TRIM66: variants seen among roughly 807,000 people sequenced by gnomAD.
TRIM66 encodes tripartite motif containing 66.
TRIM66 carries 99 observed loss-of-function variants against 148.2 expected under a neutral mutation model. That is an observed-to-expected ratio of 0.67 (90% CI 0.57 to 0.79). The LOEUF is 0.79. TRIM66 is among the 30% of genes least tolerant of loss of function. The pLI, the probability that TRIM66 is intolerant of heterozygous loss-of-function variation, is 0.00. For synonymous variants in TRIM66, 616 were observed against 635.9 expected, an observed-to-expected ratio of 0.97 and a Z score of 0.47; for missense variants, 1,666 against 1,697.9, an observed-to-expected ratio of 0.98 and a Z score of 0.33.
At chr11:8,649,321 A>G (rs1454407412) in intron 8 of TRIM66, among the ~76,000 whole-genome samples, 2 of 152,236 alleles carry the variant, frequency 1.3e-5, no homozygotes. Flanking sequence ...CCTGGGTGAC[A>G]GAGTGAGACT....
chr11:8,665,873 C>T (rs537245054), intron 6 of TRIM66, among the ~76,000 whole-genome samples: 2 of 150,924 alleles, frequency 1.3e-5, no homozygotes, highest in Non-Finnish European at 3.0e-5. Flanking sequence ...GGTGTGAACC[C>T]GGGAGGTGGA....
chr11:8,622,895 A>T lies in TRIM66; in HGVS notation c.3020-19T>A. The T allele has an allele frequency of 1.1e-5, 17 of 1,550,914 alleles. No homozygotes were observed. The highest frequency in any genetic ancestry group is 1.5e-5 in the Non-Finnish European group (17 of 1,146,136). ...TCACACTCTAAGGCAAAAGACAAACAAATACCTGTGACACACATTTGTGGC... is the reference window on the plus strand; with the variant it reads ...TCACACTCTAAGGCAAAAGACAAACTAATACCTGTGACACACATTTGTGGC... On this transcript the variant is annotated intron_variant, in intron 17 of 24. Transcript: ENST00000646038.
chr11:8,649,342 AAAAAATAAAAAT>A (rs533203211), intron 8 of TRIM66, among the ~76,000 whole-genome samples: 5 of 152,310 alleles, frequency 3.3e-5, no homozygotes, highest in South Asian at 4.1e-4. Context: ...CCATCTCAAA[AAAAAATAAAAAT>A]AAAAATAAAA....
intron 4 of TRIM66, 100 bp from the exon 5 acceptor site, chr11:8,672,485 C>T: frequency 6.2e-6 from 8 of 1,289,894 alleles, no homozygotes; most frequent in South Asian, 4.9e-5. Flanking sequence ...GACACTTTTA[C>T]AAATTAAATA....
chr11:8,649,957 C>T lies in TRIM66; in HGVS notation c.445-70G>A, dbSNP rs111950632. 5.1e-4 allele frequency: 760 copies of T among 1,504,852 alleles called. 2 individuals are homozygous for T. The African/African-American group carries it at 9.5e-3, about 19-fold the overall frequency. The allele number at this position is 1,504,852 out of a possible 1,614,324, so 93.2% of individuals were successfully genotyped here. A position where few individuals can be genotyped will look rare whatever the true frequency, so the allele number is the denominator to read the frequency against. On this transcript the variant is annotated intron_variant, in intron 7 of 24. Coordinates refer to ENST00000646038, the MANE Select transcript of TRIM66 (RefSeq NM_001388022.1). ...TGTCTGCCTCCACAAGTGGTAAATGCTCTAAAGACAGGGGTCCTGCAGGCC... is the reference window on the plus strand; with the variant it reads ...TGTCTGCCTCCACAAGTGGTAAATGTTCTAAAGACAGGGGTCCTGCAGGCC...
At chr11:8,654,777 G>A (rs983250068) in intron 6 of TRIM66, among the ~76,000 whole-genome samples, 1 of 152,180 alleles carries the variant, frequency 6.6e-6, no homozygotes, top group African/African-American at 2.4e-5. Context: ...AGGAACTGCT[G>A]TACATTGTTT....
At chr11:8,618,078 A>G (rs1248946142) in intron 24 of TRIM66, 75 bp from the exon 25 acceptor site, 4 of 1,399,810 alleles carry the variant, frequency 2.9e-6, no homozygotes, top group Non-Finnish European at 3.9e-6. Flanking sequence ...CTATGTCAAG[A>G]TTGCAGTTCT....
chr11:8,664,393 C>T (rs759611019), intron 6 of TRIM66, among the ~76,000 whole-genome samples: 47 of 152,292 alleles, frequency 3.1e-4, no homozygotes, highest in Non-Finnish European at 5.7e-4. Flanking sequence ...GGACTCTCCC[C>T]GTGAGCAAAG....
At chr11:8,643,182 C>A in intron 12 of TRIM66, 56 bp from the exon 13 acceptor site, 2 of 1,429,602 alleles carry the variant, frequency 1.4e-6, no homozygotes, top group South Asian at 1.2e-5. Flanking sequence ...AATGACAACT[C>A]CCCTTCCCTT....
At chr11:8,644,380 C>T in intron 12 of TRIM66, 1 of 452,508 alleles carries the variant, frequency 2.2e-6, no homozygotes, top group Non-Finnish European at 4.4e-6. Flanking sequence ...CATTTAAAAT[C>T]TTTACTTTGG....
chr11:8,638,633 G>A lies in TRIM66; in HGVS notation c.2310+21C>T, dbSNP rs755589824. On this transcript the variant is annotated intron_variant, in intron 15 of 24. Coordinates refer to ENST00000646038, the MANE Select transcript of TRIM66 (RefSeq NM_001388022.1). ...TGGCAGTGGGTCCCATGTAGTTAGG[G>A]AAAACAGGCTCCTTCAGTACCTTTC... 1.9e-5 allele frequency: 30 copies of A among 1,544,162 alleles called. No individual in the cohort carries two copies. The South Asian group carries it at 3.1e-4, about 16-fold the overall frequency.
At chr11:8,654,276 C>T (rs1398004698) in intron 6 of TRIM66, among the ~76,000 whole-genome samples, 2 of 152,232 alleles carry the variant, frequency 1.3e-5, no homozygotes, top group Admixed American at 1.3e-4. Flanking sequence ...GCCTAACATA[C>T]AACCTGTGTT....
intron 6 of TRIM66, among the ~76,000 whole-genome samples, chr11:8,665,952 A>C (rs1462235875): frequency 1.3e-5 from 2 of 152,032 alleles, no homozygotes; most frequent in African/African-American, 2.4e-5. Context: ...CCATCTCAAA[A>C]AATAAAAAAA....
At chr11:8,619,089 G>C (rs2033953212) in intron 23 of TRIM66, 121 bp from the exon 24 acceptor site, 12 of 931,758 alleles carry the variant, frequency 1.3e-5, no homozygotes, top group Admixed American at 1.3e-4. Flanking sequence ...TCTGGAACTT[G>C]ACATTTTTCT....
chr11:8,645,304 C>A (rs1305727731), intron 12 of TRIM66, among the ~76,000 whole-genome samples: 2 of 152,162 alleles, frequency 1.3e-5, no homozygotes, highest in Admixed American at 1.3e-4. Context: ...AATTCTTGCT[C>A]CCTCTCCTGG....
chr11:8,652,447 C>T (rs749790318), intron 6 of TRIM66, among the ~76,000 whole-genome samples: 7 of 152,170 alleles, frequency 4.6e-5, no homozygotes, highest in African/African-American at 9.7e-5. Flanking sequence ...ACAGCATATA[C>T]CAGTCAGTCT....
chr11:8,622,343 C>CA (rs768518578), intron 18 of TRIM66, among the ~76,000 whole-genome samples: 5,415 of 38,052 alleles, frequency 0.14, 389 homozygotes, highest in Non-Finnish European at 0.21. Context: ...ACACACAACA[C>CA]ACACACACAC....
At chr11:8,627,959 G>C (rs1049088521) in intron 15 of TRIM66, among the ~76,000 whole-genome samples, 2 of 152,152 alleles carry the variant, frequency 1.3e-5, no homozygotes, top group Non-Finnish European at 2.9e-5. Context: ...CGCCAGAGTA[G>C]CTGGGACTAC....
rs762178423 is a variant in TRIM66 at position 8,624,978 on chromosome 11, C to T, written c.2561G>A (p.Ser854Asn). ...CAGGTTGGGCATGGACTGGAATGTGCTATGCACAAGGCTGGGCACAGTCTG... is the reference window on the plus strand; with the variant it reads ...CAGGTTGGGCATGGACTGGAATGTGTTATGCACAAGGCTGGGCACAGTCTG... The part of the protein sequence containing the change: ...HLQTVPSLVH[S>N]TFQSMPNLIS... The change falls in exon 16 of 25, where the codon AGC becomes AAC. Residue 854 changes from serine (S) to asparagine (N), a missense_variant. Around this residue, in one of 3 missense-constraint regions of TRIM66, gnomAD observed 1,431 missense variants for 1,412.4 expected, o/e 1.01. Transcript: ENST00000646038. The T allele has an allele frequency of 1.7e-5, 27 of 1,551,602 alleles. No individual in the cohort carries two copies. The South Asian group carries it at 3.2e-4, about 18-fold the overall frequency.
Sources: allele counts gnomAD v4.1 joint callset (sites outside exome capture counted in the v4.1 genomes callset), GRCh38; gene constraint gnomAD v4.1.1; regional missense constraint gnomAD v4.1.1; transcripts MANE v1.5; gene names NCBI Gene and HGNC (gene_info 2026-07-23, HGNC 2026-07-21).